Variants in SLC22A31 observed in about 807,000 individuals in gnomAD.
The protein encoded by SLC22A31 is putative solute carrier family 22 member 31.
A neutral mutation model predicts 27.4 loss-of-function variants in SLC22A31; 42 were observed. The ratio of observed to expected loss-of-function variants is 1.53; its 90% CI spans 1.20 to 1.98. The LOEUF (loss-of-function observed/expected upper bound fraction) is 1.98. SLC22A31 is among the 30% of genes most tolerant of loss of function. The pLI, the probability that SLC22A31 is intolerant of heterozygous loss-of-function variation, is 0.00. For missense variants in SLC22A31, 593 were observed against 479.9 expected (o/e 1.24, Z -2.20); for synonymous variants, 290 against 230.8 (o/e 1.26, Z -2.33).
Position 89,199,394 on chromosome 16 carries a change from C to A in SLC22A31, c.283+19G>T, listed in dbSNP as rs1253984417. ...CCCACTGCCCCTCCCCCAGTGACAGCAGCCCCCAGGGTACTCACGAGCCAG... is the reference window on the plus strand; with the variant it reads ...CCCACTGCCCCTCCCCCAGTGACAGAAGCCCCCAGGGTACTCACGAGCCAG... On this transcript the variant is annotated intron_variant, in intron 3 of 8. Coordinates refer to ENST00000682282, the MANE Select transcript of SLC22A31 (RefSeq NM_001384763.1). 2.7e-5 allele frequency: 16 copies of A among 595,136 alleles called. No individual in the cohort carries two copies. The highest frequency in any genetic ancestry group is 4.2e-5 in the Non-Finnish European group (14 of 337,136). 36.9% of individuals were successfully genotyped at this position (595,136 alleles called of 1,614,324 possible).
intron 7 of SLC22A31, 101 bp downstream of exon 7, chr16:89,198,021 A>AC: frequency 7.5e-7 from 1 of 1,327,624 alleles, no homozygotes; most frequent in Non-Finnish European, 1.0e-6. Flanking sequence ...TTGGGCTGCC[A>AC]CCCCAGGCTG....
chr16:89,198,096 T>C (rs1160624444), intron 7 of SLC22A31, 26 bp downstream of exon 7: 18 of 1,532,540 alleles, frequency 1.2e-5, no homozygotes, highest in Non-Finnish European at 1.5e-5. Context: ...ATGGCTCCTG[T>C]ATGGCCTGCG....
At position 89,197,338 on chromosome 16, in the gene SLC22A31, T is replaced by C. The variant is rs1597318772; in HGVS notation, c.994A>G (p.Ser332Gly). The change falls in exon 8 of 9, where the codon AGC becomes GGC. Residue 332 changes from serine (S) to glycine (G), a missense_variant. By Grantham distance (56) the Ser-to-Gly change is moderately conservative. Transcript: ENST00000682282. ...LLASRAVSAL[S>G]SLFAAEVFPT... ...AAGACCTCGGCCGCGAAGAGGCTGC[T>C]GAGTGCGGACACAGCCCGGGAGGCC... 1 of 1,535,862 alleles carries C rather than the reference T, an allele frequency of 6.5e-7. No individual in the cohort carries two copies. The highest frequency in any genetic ancestry group is 8.7e-7 in the Non-Finnish European group (1 of 1,146,822).
In SLC22A31 at chr16:89,197,403, G is replaced by A. The variant is rs1182053038; in HGVS notation, c.929C>T (p.Pro310Leu). 1 of 1,535,278 alleles carries A rather than the reference G, an allele frequency of 6.5e-7. No individual in the cohort carries two copies. Among genetic ancestry groups the A allele is most frequent in the Non-Finnish European group, 8.7e-7 (1 of 1,146,380 alleles). Residue 310 changes from proline to leucine, a missense_variant, in exon 8 of 9, where the codon CCA (proline) becomes CTA (leucine). Coordinates refer to ENST00000682282, the MANE Select transcript of SLC22A31 (RefSeq NM_001384763.1). ...AGAGAGGAACAGCACAGTCCAGCCT[G>A]GCAGATCTGGGGACAAAGAACAGGG... Reference protein sequence around the residue: ...LLLLAGAQYLPGWTVLFLSVL... With the variant: ...LLLLAGAQYLLGWTVLFLSVL...
intron 8 of SLC22A31, among the ~76,000 whole-genome samples, chr16:89,196,975 C>T (rs1197166756): frequency 2.6e-5 from 4 of 151,394 alleles, no homozygotes; most frequent in South Asian, 2.1e-4. Flanking sequence ...AGAAGAAGAT[C>T]GAAAAGTGAT....
In SLC22A31 at chr16:89,197,365, G is replaced by A; in HGVS notation, c.967C>T (p.Leu323=). 1.3e-6 allele frequency: 2 copies of A among 1,535,888 alleles called. No individual in the cohort carries two copies. Among genetic ancestry groups the A allele is most frequent in the East Asian group, 2.4e-5 (1 of 40,916 alleles). The change falls in exon 8 of 9, where the codon CTG becomes TTG. Residue 323 remains leucine (L), a synonymous_variant. Transcript: ENST00000682282. The part of the protein sequence containing the change: ...TVLFLSVLGL[L]ASRAVSALSS... ...AGTGCGGACACAGCCCGGGAGGCCAGGAGCCCCAGGACAGAGAGGAACAGC... is the reference window on the plus strand; with the variant it reads ...AGTGCGGACACAGCCCGGGAGGCCAAGAGCCCCAGGACAGAGAGGAACAGC...
chr16:89,200,645 A>G (rs2151616886), upstream of SLC22A31, among the ~76,000 whole-genome samples: 1 of 152,056 alleles, frequency 6.6e-6, no homozygotes, highest in South Asian at 2.1e-4. Flanking sequence ...CACTGGGGCC[A>G]GTCCTCCCAG....
rs550638448 is a variant in SLC22A31 at position 89,198,644 on chromosome 16, C to T, written c.598+8G>A. On this transcript the variant is annotated splice_region_variant and intron_variant, in intron 5 of 8. Coordinates refer to ENST00000682282, the MANE Select transcript of SLC22A31 (RefSeq NM_001384763.1). ...CTGAATCTCCCTCCTCCCTGGTAGG[C>T]GCCTGACCTGTAGCCAGGGAGTTCT... 8.2e-5 allele frequency: 126 copies of T among 1,534,780 alleles called. No homozygotes were observed. The highest frequency in any genetic ancestry group is 4.9e-4 in the South Asian group (41 of 84,012).
intron 7 of SLC22A31, 70 bp downstream of exon 7, chr16:89,198,052 C>A: frequency 2.0e-6 from 3 of 1,488,466 alleles, no homozygotes; most frequent in South Asian, 1.3e-5. Context: ...GGCACTATGG[C>A]CCCCTGGTGT....
At chr16:89,198,408 G>T in intron 6 of SLC22A31, 34 bp downstream of exon 6, 3 of 1,527,312 alleles carry the variant, frequency 2.0e-6, no homozygotes, top group Non-Finnish European at 2.6e-6. Flanking sequence ...CACCCCGGGG[G>T]ATGGTGCAGG....
Position 89,196,109 on chromosome 16 carries a change from C to T in SLC22A31, c.1231G>A (p.Asp411Asn), listed in dbSNP as rs575619368. Residue 411 changes from aspartate to asparagine, a missense_variant, in exon 9 of 9, where the codon GAC becomes AAC. Transcript: ENST00000682282. ...RGLPQSLQDA[D>N]RLRRSPLLRG... ...AGGAGTGGGGAGCGGCGCAGGCGGTCGGCGTCCTGCAGTGACTGGGGCAGC... is the reference window on the plus strand; with the variant it reads ...AGGAGTGGGGAGCGGCGCAGGCGGTTGGCGTCCTGCAGTGACTGGGGCAGC... 73 of 1,534,020 alleles carry T rather than the reference C, an allele frequency of 4.8e-5. No homozygotes were observed. In the African/African-American group the frequency reaches 6.4e-4, roughly 14 times the overall value.
Position 89,197,385 on chromosome 16 carries a change from AACAGC to A in SLC22A31, c.942_946del (p.Leu315ProfsTer81), listed in dbSNP as rs1193550192. The A allele has an allele frequency of 1.3e-6, 2 of 1,535,666 alleles. No individual in the cohort carries two copies. The highest frequency in any genetic ancestry group is 1.4e-5 in the African/African-American group (1 of 73,028). On this transcript the variant is annotated frameshift_variant, in exon 8 of 9. Transcript: ENST00000682282. LOFTEE classifies it high-confidence loss of function. ...GGCCAGGAGCCCCAGGACAGAGAGG[AACAGC>A]ACAGTCCAGCCTGGCAGATCTGGGG... is the stretch of plus-strand genomic sequence containing the variant.
chr16:89,198,246 G>T lies in SLC22A31; in HGVS notation c.798C>A (p.Gly266=). ...GGAAGACCAAGGCTGCCGCCTCCAG[G>T]CCGGCCTCCAGGAAGTAGGGCAGGT... ...TFYLPYFLEA[G]LEAAALVFLL... The change falls in exon 7 of 9, where the codon GGC becomes GGA. Residue 266 remains glycine, a synonymous_variant. Coordinates refer to ENST00000682282, the MANE Select transcript of SLC22A31 (RefSeq NM_001384763.1). 3 of 1,535,936 alleles carry T rather than the reference G, an allele frequency of 2.0e-6. No individual in the cohort carries two copies. The highest frequency in any genetic ancestry group is 2.6e-6 in the Non-Finnish European group (3 of 1,146,888).
chr16:89,197,266 C>G (rs1916036273), intron 8 of SLC22A31, 32 bp downstream of exon 8: 1 of 1,512,240 alleles, frequency 6.6e-7, no homozygotes, highest in South Asian at 1.2e-5. Context: ...GCCCTGGACC[C>G]TGCTGTGTGG....
chr16:89,197,211 G>T, intron 8 of SLC22A31, 87 bp downstream of exon 8: 1 of 1,029,696 alleles, frequency 9.7e-7, no homozygotes, highest in African/African-American at 1.6e-5. Flanking sequence ...GGTGGGGTAT[G>T]GGGACAGGGC....
In SLC22A31 at chr16:89,199,243, G is replaced by C. The variant is rs1916310618; in HGVS notation, c.284-52C>G. 3 of 1,466,870 alleles carry C rather than the reference G, an allele frequency of 2.0e-6. No individual in the cohort carries two copies. The South Asian group carries it at 3.9e-5, about 19-fold the overall frequency. 90.9% of individuals were successfully genotyped at this position (1,466,870 alleles called of 1,614,324 possible). ...GGAGGCCTCGGGGAGGACTGGAACA[G>C]TTCCATTGGGAACTGCGGGGACCTA... On this transcript the variant is annotated intron_variant, in intron 3 of 8. Coordinates refer to ENST00000682282, the MANE Select transcript of SLC22A31 (RefSeq NM_001384763.1).
intron 3 of SLC22A31, 91 bp from the exon 4 acceptor site, chr16:89,199,282 C>G: frequency 7.6e-7 from 1 of 1,310,528 alleles, no homozygotes; most frequent in Non-Finnish European, 1.0e-6. Flanking sequence ...GTGACCTGCC[C>G]AGGAGCGGGA....
At chr16:89,201,113 C>A, upstream of SLC22A31, 1 of 375,438 alleles carries the variant, frequency 2.7e-6, no homozygotes, top group South Asian at 1.3e-4. Context: ...GCGGCACCGT[C>A]GGGCCGGCGG....
Position 89,196,194 on chromosome 16 carries a change from G to A in SLC22A31, c.1146C>T (p.Ala382=), listed in dbSNP as rs1370083553. The A allele has an allele frequency of 6.5e-7, 1 of 1,535,162 alleles. No individual in the cohort carries two copies. The highest frequency in any genetic ancestry group is 2.4e-5 in the East Asian group (1 of 40,906). ...ACAGCAGGGCAAGGACAGCAAGGGA[G>A]GCGAAGACGACTTGTTGCAGGAAGA... ...QGFFLQQVVF[A]SLAVLALLCV... The change falls in exon 9 of 9, where the codon GCC becomes GCT. Residue 382 remains alanine, a synonymous_variant. Transcript: ENST00000682282.
Sources: allele counts gnomAD v4.1 joint callset (sites outside exome capture counted in the v4.1 genomes callset), GRCh38; gene constraint gnomAD v4.1.1; transcripts MANE v1.5; gene names NCBI Gene and HGNC (gene_info 2026-07-23, HGNC 2026-07-21).